FKBP5: variants seen among roughly 807,000 people sequenced by gnomAD.
The protein encoded by FKBP5 is peptidyl-prolyl cis-trans isomerase FKBP5.
Under a neutral mutation model 50.5 loss-of-function variants are expected in FKBP5, and 23 were observed. The ratio of observed to expected loss-of-function variants is 0.46; its 90% CI spans 0.33 to 0.65. The LOEUF (loss-of-function observed/expected upper bound fraction) is 0.65. Among genes scored for constraint, FKBP5 ranks in the 30% least tolerant of loss-of-function variants. The probability of loss-of-function intolerance (pLI) is 0.02; values close to 1 mark genes in which losing one functional copy is unlikely to be tolerated. For missense variants in FKBP5, 411 were observed against 553.1 expected, an observed-to-expected ratio of 0.74 and a Z score of 2.58; for synonymous variants, 176 against 190.6, an observed-to-expected ratio of 0.92 and a Z score of 0.63.
chr6:35,667,838 G>A (rs1401197266), intron 1 of FKBP5, among the ~76,000 whole-genome samples: 3 of 152,144 alleles, frequency 2.0e-5, no homozygotes, highest in South Asian at 2.1e-4. Flanking sequence ...GGTGGCGGGC[G>A]CCTGTAATCC....
chr6:35,573,941 C>G lies in FKBP5; in HGVS notation c.*1894G>C, dbSNP rs544279967. The stretch of plus-strand genomic sequence containing the variant: ...TGGCATCATCTGAGTCTTGGAATAG[C>G]TTTCTTGTTTGTTATCTGCAAAAAG... On this transcript the variant is annotated 3_prime_UTR_variant, in exon 11 of 11. Coordinates refer to ENST00000357266, the MANE Select transcript of FKBP5 (RefSeq NM_004117.4). 1.8e-4 allele frequency: 28 copies of G among 152,280 alleles called. No homozygotes were observed. Among genetic ancestry groups the G allele is most frequent in the Admixed American group, 6.5e-4 (10 of 15,290 alleles). 9.4% of individuals were successfully genotyped at this position (152,280 alleles called of 1,614,324 possible).
At chr6:35,692,614 C>T (rs1324779631), upstream of FKBP5, among the ~76,000 whole-genome samples, 1 of 152,034 alleles carries the variant, frequency 6.6e-6, no homozygotes, top group Non-Finnish European at 1.5e-5. Context: ...GCCTGGCCAA[C>T]ATGGTGAAAC....
Position 35,582,693 on chromosome 6 carries a change from G to A in FKBP5, c.841-2472C>T, listed in dbSNP as rs1762473034. 4 of 985,144 alleles carry A rather than the reference G, an allele frequency of 4.1e-6. No homozygotes were observed. The African/African-American group carries it at 7.0e-5, about 17-fold the overall frequency. 61.0% of individuals were successfully genotyped at this position (985,144 alleles called of 1,614,324 possible). A position where few individuals can be genotyped will look rare whatever the true frequency, so the allele number is the denominator to read the frequency against. On this transcript the variant is annotated intron_variant, in intron 8 of 10. Coordinates refer to ENST00000357266, the MANE Select transcript of FKBP5 (RefSeq NM_004117.4). The stretch of plus-strand genomic sequence containing the variant: ...CAAGCTAAGACAATACTTAAATTTT[G>A]TCATAGTCTTAGGCCTACCACTCCT...
chr6:35,683,919 G>A (rs915580817), intron 1 of FKBP5, among the ~76,000 whole-genome samples: 34 of 152,110 alleles, frequency 2.2e-4, no homozygotes, highest in Non-Finnish European at 2.6e-4. Flanking sequence ...TTAGCTGGGC[G>A]TGGTGGTGTG....
At chr6:35,585,736 A>T (rs1279516085) in intron 8 of FKBP5, 1 of 978,944 alleles carries the variant, frequency 1.0e-6, no homozygotes, top group Non-Finnish European at 1.2e-6. Context: ...GTACTTACTC[A>T]TACACAAGCA....
intron 1 of FKBP5, among the ~76,000 whole-genome samples, chr6:35,726,234 G>T (rs1348113047): frequency 6.6e-6 from 1 of 152,186 alleles, no homozygotes; most frequent in African/African-American, 2.4e-5. Flanking sequence ...GGACCAGAGT[G>T]CATCCAGAAC....
chr6:35,598,338 T>C (rs1363381641), intron 5 of FKBP5, among the ~76,000 whole-genome samples: 1 of 152,066 alleles, frequency 6.6e-6, no homozygotes, highest in Non-Finnish European at 1.5e-5. Context: ...TTCTCCTGTC[T>C]CAGCCTCCGA....
intron 2 of FKBP5, among the ~76,000 whole-genome samples, chr6:35,713,077 T>TAAAAA (rs34258638): frequency 2.1e-4 from 11 of 52,982 alleles, no homozygotes; most frequent in African/African-American, 6.9e-4. Flanking sequence ...ATCTGGTCTC[T>TAAAAA]AAAAAAAAAA....
intron 2 of FKBP5, among the ~76,000 whole-genome samples, chr6:35,707,870 A>G (rs1446066254): frequency 6.6e-6 from 1 of 152,176 alleles, no homozygotes; most frequent in African/African-American, 2.4e-5. Context: ...TGTTCTGGCA[A>G]AGGATATGAT....
chr6:35,591,078 G>C, intron 7 of FKBP5, 52 bp downstream of exon 7: 4 of 1,172,688 alleles, frequency 3.4e-6, no homozygotes, highest in Non-Finnish European at 5.1e-6. Flanking sequence ...TTTATAGGAA[G>C]TGGATGGAGA....
chr6:35,701,157 T>C (rs185417402), intron 2 of FKBP5, among the ~76,000 whole-genome samples: 1 of 152,246 alleles, frequency 6.6e-6, no homozygotes, highest in East Asian at 1.9e-4. Flanking sequence ...TGAAAAATTA[T>C]CCATTATCTG....
intron 3 of FKBP5, among the ~76,000 whole-genome samples, chr6:35,633,794 T>C (rs1267712628): frequency 6.6e-6 from 1 of 152,122 alleles, no homozygotes; most frequent in East Asian, 1.9e-4. Context: ...ACATAAGCTC[T>C]CCACAGACTT....
chr6:35,684,687 C>T (rs941345090), intron 1 of FKBP5, among the ~76,000 whole-genome samples: 1 of 152,140 alleles, frequency 6.6e-6, no homozygotes, highest in African/African-American at 2.4e-5. Flanking sequence ...AGACCCCACA[C>T]TCCCTCTGGT....
intron 5 of FKBP5, among the ~76,000 whole-genome samples, chr6:35,598,908 C>T (rs2150965004): frequency 6.6e-6 from 1 of 152,158 alleles, no homozygotes; most frequent in East Asian, 1.9e-4. Context: ...GCGGAGGTTG[C>T]AGTGAACTGA....
At chr6:35,583,397 A>G in intron 8 of FKBP5, 1 of 985,456 alleles carries the variant, frequency 1.0e-6, no homozygotes, top group African/African-American at 1.7e-5. Context: ...AACAAAACAA[A>G]ACACAAAAAA....
intron 5 of FKBP5, among the ~76,000 whole-genome samples, chr6:35,610,962 C>T (rs1333152108): frequency 3.3e-5 from 5 of 152,152 alleles, no homozygotes; most frequent in Admixed American, 6.5e-5. Flanking sequence ...TTACTGGCCC[C>T]GCTGTTCCAT....
chr6:35,717,549 G>A (rs905199988), intron 2 of FKBP5, among the ~76,000 whole-genome samples: 1 of 152,258 alleles, frequency 6.6e-6, no homozygotes, highest in African/African-American at 2.4e-5. Flanking sequence ...TGCAATGAAT[G>A]TGCACCTGTG....
At chr6:35,650,461 G>A (rs1198826852) in intron 1 of FKBP5, among the ~76,000 whole-genome samples, 1 of 151,338 alleles carries the variant, frequency 6.6e-6, no homozygotes, top group Non-Finnish European at 1.5e-5. Flanking sequence ...CACAAACAGT[G>A]TAATTTATTT....
intron 1 of FKBP5, among the ~76,000 whole-genome samples, chr6:35,723,790 C>T (rs1040358030): frequency 2.0e-5 from 3 of 152,180 alleles, no homozygotes; most frequent in East Asian, 3.8e-4. Flanking sequence ...AAGGCTGGCA[C>T]GGGCAGTGTG....
Sources: allele counts gnomAD v4.1 joint callset (sites outside exome capture counted in the v4.1 genomes callset), GRCh38; gene constraint gnomAD v4.1.1; transcripts MANE v1.5; gene names NCBI Gene and HGNC (gene_info 2026-07-23, HGNC 2026-07-21).